Variants in XIRP2 observed in about 807,000 individuals in gnomAD.
XIRP2 encodes the protein xin actin-binding repeat-containing protein 2.
Under a neutral mutation model 277.0 loss-of-function variants are expected in XIRP2, and 236 were observed. That is an observed-to-expected ratio of 0.85 (90% CI 0.77 to 0.95). XIRP2 has a LOEUF of 0.95. Among genes scored for constraint, XIRP2 ranks in the 40% least tolerant of loss-of-function variants. XIRP2 has a pLI of 0.00. For synonymous variants in XIRP2, 1,490 were observed against 1,416.5 expected (o/e 1.05, Z -1.17); for missense variants, 4,640 against 4,157.5 (o/e 1.12, Z -3.19).
At chr2:167,169,795 T>C (rs944564572) in intron 3 of XIRP2, among the ~76,000 whole-genome samples, 1 of 152,242 alleles carries the variant, frequency 6.6e-6, no homozygotes, top group Admixed American at 6.5e-5. Context: ...GGTGTATAGC[T>C]ATGTTTGTGG....
rs1695171337 is a variant in XIRP2, at chr2:167,244,201, C to G, written c.2809C>G (p.Leu937Val). The G allele has an allele frequency of 6.2e-7, 1 of 1,613,254 alleles. No individual in the cohort carries two copies. The highest frequency in any genetic ancestry group is 8.5e-7 in the Non-Finnish European group (1 of 1,179,784). Residue 937 changes from leucine to valine, a missense_variant, in exon 9 of 11, where the codon CTT (leucine) becomes GTT (valine). Coordinates refer to ENST00000409195, the MANE Select transcript of XIRP2 (RefSeq NM_152381.6). ...DKKEYTRTVK[L>V]EEVDRGDVKN... ...AAAGGAGTACACACGAACAGTGAAA[C>G]TTGAAGAAGTTGACAGAGGAGATGT...
intron 3 of XIRP2, among the ~76,000 whole-genome samples, chr2:167,174,744 C>T (rs114642600): frequency 6.0e-4 from 91 of 152,278 alleles, no homozygotes; most frequent in Non-Finnish European, 9.6e-4. Context: ...TCCCTCTAAA[C>T]ACTGTTTTAT....
chr2:167,115,916 TA>T (rs1207574415), intron 2 of XIRP2, among the ~76,000 whole-genome samples: 2 of 152,332 alleles, frequency 1.3e-5, no homozygotes, highest in East Asian at 3.9e-4. Flanking sequence ...GTGTATTGTT[TA>T]AGTTTCCAAG....
intron 2 of XIRP2, among the ~76,000 whole-genome samples, chr2:166,954,144 C>A (rs1686104227): frequency 6.6e-6 from 1 of 151,786 alleles, no homozygotes; most frequent in African/African-American, 2.4e-5. Flanking sequence ...ACCATGTAAG[C>A]TAAACCATGC....
intron 5 of XIRP2, among the ~76,000 whole-genome samples, chr2:167,230,005 A>C (rs7580183): frequency 0.15 from 23,285 of 151,972 alleles, 2,231 homozygotes; most frequent in African/African-American, 0.27. Flanking sequence ...GAGGCCACTT[A>C]GTTTCTCACT....
chr2:167,122,617 C>A (rs1691088676), intron 2 of XIRP2, among the ~76,000 whole-genome samples: 1 of 152,146 alleles, frequency 6.6e-6, no homozygotes, highest in African/African-American at 2.4e-5. Context: ...CTGATTCTTC[C>A]TTCTGAAAGA....
intron 2 of XIRP2, among the ~76,000 whole-genome samples, chr2:167,017,317 G>A (rs1423132797): frequency 6.6e-6 from 1 of 151,894 alleles, no homozygotes; most frequent in Admixed American, 6.6e-5. Context: ...TTATGTGGTT[G>A]CATAACTAAA....
In XIRP2 at chr2:167,249,945, G is replaced by T. The variant is rs963745621; in HGVS notation, c.8553G>T (p.Lys2851Asn). The T allele has an allele frequency of 1.2e-6, 2 of 1,613,402 alleles. No individual in the cohort carries two copies. The highest frequency in any genetic ancestry group is 8.5e-7 in the Non-Finnish European group (1 of 1,179,684). ...HEHLKNKSAP[K>N]VVKQKVIDAH... ...ATCTGAAGAATAAATCAGCACCAAAGGTCGTCAAGCAAAAGGTTATCGATG... is the reference window on the plus strand; with the variant it reads ...ATCTGAAGAATAAATCAGCACCAAATGTCGTCAAGCAAAAGGTTATCGATG... The change falls in exon 9 of 11, where the codon AAG becomes AAT. Residue 2851 changes from lysine (K) to asparagine (N), a missense_variant. Physicochemically the swap from Lys to Asn is moderately conservative, Grantham distance 94. Transcript: ENST00000409195.
intron 3 of XIRP2, among the ~76,000 whole-genome samples, chr2:167,200,715 G>T (rs1693658537): frequency 6.6e-6 from 1 of 151,954 alleles, no homozygotes; most frequent in African/African-American, 2.4e-5. Flanking sequence ...TTCAAATGGA[G>T]CATGACTGAC....
chr2:167,232,704 T>C (rs1207839456), intron 5 of XIRP2, among the ~76,000 whole-genome samples: 1 of 151,916 alleles, frequency 6.6e-6, no homozygotes. Flanking sequence ...ATATACTAAC[T>C]TATTTCTTCT....
At chr2:166,948,839 A>T (rs1389422333) in intron 2 of XIRP2, among the ~76,000 whole-genome samples, 1 of 152,116 alleles carries the variant, frequency 6.6e-6, no homozygotes, top group Non-Finnish European at 1.5e-5. Context: ...TTCCCAGAAC[A>T]TTTGAAAAAC....
At chr2:167,042,138 C>T (rs1057118015) in intron 2 of XIRP2, among the ~76,000 whole-genome samples, 3 of 152,122 alleles carry the variant, frequency 2.0e-5, no homozygotes, top group African/African-American at 7.2e-5. Context: ...ACAAACAGTG[C>T]TAAGGGAATT....
chr2:166,979,071 T>G (rs2105430522), intron 2 of XIRP2, among the ~76,000 whole-genome samples: 1 of 152,354 alleles, frequency 6.6e-6, no homozygotes, highest in East Asian at 1.9e-4. Context: ...CATAGGAATT[T>G]CTACATGACA....
intron 3 of XIRP2, among the ~76,000 whole-genome samples, chr2:167,183,821 G>C (rs1693084427): frequency 6.6e-6 from 1 of 152,000 alleles, no homozygotes; most frequent in African/African-American, 2.4e-5. Context: ...AAAGTAAGCA[G>C]GGTGTATTCA....
At chr2:166,925,622 T>TATATAC (rs1438707871) in intron 2 of XIRP2, among the ~76,000 whole-genome samples, 1 of 133,962 alleles carries the variant, frequency 7.5e-6, no homozygotes, top group Non-Finnish European at 1.6e-5. Context: ...TATATATATA[T>TATATAC]ATATACATAT....
intron 2 of XIRP2, among the ~76,000 whole-genome samples, chr2:167,065,515 C>G (rs1215718801): frequency 6.6e-6 from 1 of 151,280 alleles, no homozygotes; most frequent in Admixed American, 6.6e-5. Flanking sequence ...TTTTTTTATT[C>G]CAGTGTAGTC....
At chr2:166,930,179 A>G (rs1473057363) in intron 2 of XIRP2, among the ~76,000 whole-genome samples, 1 of 152,128 alleles carries the variant, frequency 6.6e-6, no homozygotes, top group Non-Finnish European at 1.5e-5. Flanking sequence ...AACATAAGGC[A>G]CTTCCATTTA....
chr2:166,983,161 T>G (rs1304967141), intron 2 of XIRP2, among the ~76,000 whole-genome samples: 4 of 152,134 alleles, frequency 2.6e-5, no homozygotes, highest in African/African-American at 9.7e-5. Context: ...TTTTAAAAAG[T>G]TTTTTTCATC....
intron 2 of XIRP2, among the ~76,000 whole-genome samples, chr2:167,044,122 T>G (rs1230450530): frequency 6.6e-6 from 1 of 152,030 alleles, no homozygotes; most frequent in Admixed American, 6.6e-5. Flanking sequence ...TGATTCAACA[T>G]ACAAAATCTA....
Sources: gnomAD v4.1 joint callset for allele counts (sites outside exome capture counted in the v4.1 genomes callset) on GRCh38, gnomAD v4.1.1 for gene constraint, MANE v1.5 for transcripts, NCBI Gene and HGNC (gene_info 2026-07-23, HGNC 2026-07-21) for gene names.